The following NIBAN3 variants were observed in gnomAD, a reference collection of about 807,000 sequenced individuals.
NIBAN3 encodes the protein niban apoptosis regulator 3, also known as protein Niban 3.
Under a neutral mutation model 76.4 loss-of-function variants are expected in NIBAN3, and 66 were observed. The observed-to-expected ratio is 0.86, with a 90% CI of 0.71 to 1.06. NIBAN3 has a LOEUF of 1.06. Ranked by LOEUF, NIBAN3 falls within the 50% of genes least tolerant of loss-of-function variation. The pLI is 0.00. For synonymous variants in NIBAN3, 360 were observed against 355.2 expected (o/e 1.01, Z -0.15); for missense variants, 808 against 810.7 (o/e 1.00, Z 0.04).
At chr19:17,544,365 C>T (rs1021993731) in intron 12 of NIBAN3, among the ~76,000 whole-genome samples, 2 of 152,220 alleles carry the variant, frequency 1.3e-5, no homozygotes, top group Non-Finnish European at 2.9e-5. Context: ...TCCACAATGC[C>T]CTCTGCTTCA....
intron 1 of NIBAN3, among the ~76,000 whole-genome samples, chr19:17,528,729 C>G (rs2075656602): frequency 6.6e-6 from 1 of 152,154 alleles, no homozygotes; most frequent in Non-Finnish European, 1.5e-5. Context: ...CACCTTCCCT[C>G]TGGTGGCTCT....
chr19:17,549,503 G>A lies in NIBAN3; in HGVS notation c.1726G>A (p.Val576Ile), dbSNP rs764651533. 6 of 1,613,732 alleles carry A rather than the reference G, an allele frequency of 3.7e-6. No individual in the cohort carries two copies. The African/African-American group carries it at 8.0e-5, about 22-fold the overall frequency. Residue 576 changes from valine (V) to isoleucine (I), a missense_variant, in exon 14 of 15, where the codon GTC becomes ATC. Coordinates refer to ENST00000599164, the MANE Select transcript of NIBAN3 (RefSeq NM_001321827.2). ...VSCTLDGCLE[V>I]PWEQEGADEE... is the part of the protein sequence containing the mutation. ...CTGCACTCTGGACGGCTGCTTGGAG[G>A]TCCCATGGGAACAGGAGGGAGCAGG... is the stretch of plus-strand genomic sequence containing the variant.
intron 1 of NIBAN3, among the ~76,000 whole-genome samples, chr19:17,528,116 G>A (rs1368819341): frequency 6.6e-6 from 1 of 151,314 alleles, no homozygotes; most frequent in Non-Finnish European, 1.5e-5. Context: ...TTTTGAGATG[G>A]AGTCTCCCTC....
At chr19:17,527,057 G>A (rs144924047), upstream of NIBAN3, among the ~76,000 whole-genome samples, 4 of 152,174 alleles carry the variant, frequency 2.6e-5, no homozygotes, top group East Asian at 7.7e-4. Flanking sequence ...CCAGATGTCT[G>A]CCCTGCCACC....
chr19:17,553,358 C>A lies in NIBAN3; in HGVS notation c.*1460C>A. On this transcript the variant is annotated 3_prime_UTR_variant, in exon 15 of 15. Transcript: ENST00000599164. ...TCAAGTTTCCTGGCTGGGAGACAAG[C>A]TTTTACCGACTTCCTCTGCTTGCCA... is the stretch of plus-strand genomic sequence containing the variant. 1 of 1,614,142 alleles carries A rather than the reference C, an allele frequency of 6.2e-7. No homozygotes were observed. Among genetic ancestry groups the A allele is most frequent in the South Asian group, 1.1e-5 (1 of 91,080 alleles).
chr19:17,523,420 G>T, upstream of NIBAN3: 1 of 1,558,748 alleles, frequency 6.4e-7, no homozygotes. Flanking sequence ...CCACTCAGAT[G>T]TGAGAGTGAG....
chr19:17,542,215 G>C lies in NIBAN3; in HGVS notation c.1250G>C (p.Arg417Pro). 1 of 1,614,102 alleles carries C rather than the reference G, an allele frequency of 6.2e-7. No individual in the cohort carries two copies. Among genetic ancestry groups the C allele is most frequent in the Non-Finnish European group, 8.5e-7 (1 of 1,180,028 alleles). Residue 417 changes from arginine (R) to proline (P), a missense_variant, in exon 10 of 15, where the codon CGC becomes CCC. Coordinates refer to ENST00000599164, the MANE Select transcript of NIBAN3 (RefSeq NM_001321827.2). This position sits in a 1 kb window ranked among gnomAD's most constrained non-coding sequence, Gnocchi z 4.8. ...CYREAERSRG[R>P]LGQLAAPFGF... ...CGTGAGGCCGAGCGGAGCCGGGGGC[G>C]CTTGGGGCAGCTGGCAGCACCGTTT...
chr19:17,548,484 G>A (rs188917328), intron 13 of NIBAN3, among the ~76,000 whole-genome samples: 245 of 152,264 alleles, frequency 1.6e-3, no homozygotes, highest in Non-Finnish European at 2.5e-3. Flanking sequence ...GGGAGGTGCG[G>A]GTGGGAGCTG....
rs745655255 is a variant in NIBAN3 at position 17,527,271 on chromosome 19, GC to G, written c.-66del. 2 of 1,550,388 alleles carry G rather than the reference GC, an allele frequency of 1.3e-6. No individual in the cohort carries two copies. Among genetic ancestry groups the G allele is most frequent in the Non-Finnish European group, 1.7e-6 (2 of 1,146,830 alleles). On this transcript the variant is annotated 5_prime_UTR_variant, in exon 1 of 15. Coordinates refer to ENST00000599164, the MANE Select transcript of NIBAN3 (RefSeq NM_001321827.2). The stretch of plus-strand genomic sequence containing the variant: ...CAAGCCTCTCACCCGCCATCCAGGT[GC>G]CCCTGAGCCGAGGAACGCAGGCGGT...
At chr19:17,532,208 C>G (rs748818452) in intron 2 of NIBAN3, 55 bp from the exon 3 acceptor site, 5 of 1,562,228 alleles carry the variant, frequency 3.2e-6, no homozygotes, top group Non-Finnish European at 4.3e-6. Flanking sequence ...GGTGGTCGGG[C>G]CACAGGGACA....
chr19:17,551,803 G>A lies in NIBAN3; in HGVS notation c.1768G>A (p.Glu590Lys), dbSNP rs745610877. The change falls in exon 15 of 15, where the codon GAG becomes AAG. Residue 590 changes from glutamate (E) to lysine (K), a missense_variant. By Grantham distance (56) the Glu-to-Lys change is moderately conservative. Transcript: ENST00000599164. The stretch of plus-strand genomic sequence containing the variant: ...TTATACAGATGAGGAAACTGAGGCT[G>A]AGCGGGAAGGAGGGGCTTGTCCCAG... ...QEGADEETEA[E>K]REGGACPRQP... 1.3e-6 allele frequency: 1 copy of A among 779,944 alleles called. No homozygotes were observed. Among genetic ancestry groups the A allele is most frequent in the Non-Finnish European group, 2.4e-6 (1 of 417,284 alleles). The allele number at this position is 779,944 out of a possible 1,614,324, so 48.3% of individuals were successfully genotyped here.
chr19:17,527,909 G>T (rs1157538520), intron 1 of NIBAN3, among the ~76,000 whole-genome samples: 1 of 151,304 alleles, frequency 6.6e-6, no homozygotes, highest in African/African-American at 2.4e-5. Context: ...GCCCAGGCTG[G>T]TCTTGAACTC....
chr19:17,532,810 C>T (rs1195186119), intron 3 of NIBAN3, among the ~76,000 whole-genome samples: 5 of 152,032 alleles, frequency 3.3e-5, no homozygotes, highest in African/African-American at 4.8e-5. Context: ...CACTTGGGAC[C>T]GGACCGGCAC....
upstream of NIBAN3, chr19:17,523,343 G>A: frequency 3.4e-6 from 4 of 1,171,662 alleles, no homozygotes; most frequent in Non-Finnish European, 4.8e-6. Context: ...AGAGGCGGCT[G>A]TGCAGGGTGA....
chr19:17,527,019 C>CAT (rs1005405183), upstream of NIBAN3, among the ~76,000 whole-genome samples: 1 of 152,116 alleles, frequency 6.6e-6, no homozygotes, highest in Non-Finnish European at 1.5e-5. Context: ...TTCCAGCCCC[C>CAT]ATACACAACG....
Position 17,552,583 on chromosome 19 carries a change from A to T in NIBAN3, c.*685A>T, listed in dbSNP as rs1024775755. The T allele has an allele frequency of 6.6e-6, 1 of 152,130 alleles. No homozygotes were observed. Among genetic ancestry groups the T allele is most frequent in the Admixed American group, 6.6e-5 (1 of 15,256 alleles). 9.4% of individuals were successfully genotyped at this position (152,130 alleles called of 1,614,324 possible). ...AAAAAGCTATGCCAGTTAGACACAC[A>T]CAGAAATCTCATGATTTTATTTTGA... is the stretch of plus-strand genomic sequence containing the variant. On this transcript the variant is annotated 3_prime_UTR_variant, in exon 15 of 15. Coordinates refer to ENST00000599164, the MANE Select transcript of NIBAN3 (RefSeq NM_001321827.2).
chr19:17,541,159 G>A (rs533130264), intron 9 of NIBAN3, among the ~76,000 whole-genome samples: 4 of 152,152 alleles, frequency 2.6e-5, no homozygotes, highest in Non-Finnish European at 5.9e-5. Context: ...ACAACCCAGA[G>A]AATTCTGCTC....
intron 4 of NIBAN3, among the ~76,000 whole-genome samples, chr19:17,535,387 T>A (rs905809522): frequency 6.6e-6 from 1 of 152,148 alleles, no homozygotes; most frequent in Non-Finnish European, 1.5e-5. Context: ...TAGGGGCTGC[T>A]GTGAACTATG....
intron 8 of NIBAN3, 116 bp downstream of exon 8, chr19:17,539,881 G>C: frequency 1.3e-6 from 1 of 767,468 alleles, no homozygotes; most frequent in Non-Finnish European, 2.0e-6. Flanking sequence ...CGTGGTCAGA[G>C]AGGGGCGGGG....
Sources: allele counts gnomAD v4.1 joint callset (sites outside exome capture counted in the v4.1 genomes callset), GRCh38; gene constraint gnomAD v4.1.1; non-coding constraint Gnocchi (gnomAD v3.1); transcripts MANE v1.5; gene names NCBI Gene and HGNC (gene_info 2026-07-23, HGNC 2026-07-21).